The following NUDT7 variants were observed in gnomAD, a reference collection of about 807,000 sequenced individuals.
The protein encoded by NUDT7 is peroxisomal coenzyme A diphosphatase NUDT7.
NUDT7 carries 19 observed loss-of-function variants against 13.1 expected under a neutral mutation model. The ratio of observed to expected loss-of-function variants is 1.45; its 90% CI spans 1.01 to 2.13. The LOEUF is 2.13. Among genes scored for constraint, NUDT7 ranks in the 30% most tolerant of loss-of-function variants. The pLI, the probability that NUDT7 is intolerant of heterozygous loss-of-function variation, is 0.00. For synonymous variants in NUDT7, 132 were observed against 109.7 expected (o/e 1.20, Z -1.27); for missense variants, 360 against 291.7 (o/e 1.23, Z -1.71).
intron 2 of NUDT7, among the ~76,000 whole-genome samples, chr16:77,734,698 A>G (rs1054981137): frequency 2.0e-5 from 3 of 151,876 alleles, no homozygotes; most frequent in Non-Finnish European, 2.9e-5. Context: ...TATACACACA[A>G]TAGAATACTA....
In NUDT7 at chr16:77,741,757, T is replaced by G. The variant is rs753308246; in HGVS notation, c.524T>G (p.Phe175Cys). Residue 175 changes from phenylalanine (F) to cysteine (C), a missense_variant, in exon 4 of 4, where the codon TTT (phenylalanine) becomes TGT (cysteine). Phe to Cys is a radical substitution (Grantham distance 205, BLOSUM62 -2). Coordinates refer to ENST00000268533, the MANE Select transcript of NUDT7 (RefSeq NM_001105663.3). Reference protein sequence around the residue: ...RLGHRFINHIFEYTNPEDGVT... With the variant: ...RLGHRFINHICEYTNPEDGVT... ...GGTCACCGTTTTATTAATCATATCT[T>G]TGAGTACACAAACCCTGAAGACGGT... The G allele has an allele frequency of 2.5e-6, 4 of 1,614,102 alleles. No individual in the cohort carries two copies. In the South Asian group the frequency reaches 4.4e-5, roughly 18 times the overall value.
intron 2 of NUDT7, among the ~76,000 whole-genome samples, chr16:77,728,109 C>T (rs1264411015): frequency 6.6e-6 from 1 of 152,076 alleles, no homozygotes; most frequent in Admixed American, 6.5e-5. Flanking sequence ...TCTACTGGAG[C>T]TCTGCCCCTC....
chr16:77,736,689 C>A, intron 3 of NUDT7: 1 of 291,822 alleles, frequency 3.4e-6, no homozygotes, highest in South Asian at 3.0e-5. Flanking sequence ...TGGTCTCGAG[C>A]TCCTGGCCTC....
chr16:77,735,783 C>A (rs1441981079), intron 2 of NUDT7, 45 bp from the exon 3 acceptor site: 2 of 1,565,514 alleles, frequency 1.3e-6, no homozygotes, highest in Admixed American at 3.5e-5. Flanking sequence ...TAAATAGTTC[C>A]AAAATTAGAA....
At chr16:77,733,034 A>G (rs543598184) in intron 2 of NUDT7, among the ~76,000 whole-genome samples, 3 of 152,320 alleles carry the variant, frequency 2.0e-5, no homozygotes, top group African/African-American at 7.2e-5. Flanking sequence ...TGTTTTTACA[A>G]CTGTAATTGA....
At chr16:77,731,044 G>C (rs1425187269) in intron 2 of NUDT7, among the ~76,000 whole-genome samples, 1 of 151,830 alleles carries the variant, frequency 6.6e-6, no homozygotes, top group African/African-American at 2.4e-5. Context: ...TTTTCATTCT[G>C]TTGAGTGTTT....
intron 2 of NUDT7, among the ~76,000 whole-genome samples, chr16:77,733,745 C>T (rs1340149767): frequency 6.6e-6 from 1 of 152,194 alleles, no homozygotes; most frequent in African/African-American, 2.4e-5. Flanking sequence ...GAGGAGCACA[C>T]TGTCATTACC....
At chr16:77,740,168 C>G (rs1192826507) in intron 3 of NUDT7, among the ~76,000 whole-genome samples, 3 of 152,164 alleles carry the variant, frequency 2.0e-5, no homozygotes, top group African/African-American at 7.2e-5. Flanking sequence ...ATTTCCTGCC[C>G]CAAGGACATA....
At chr16:77,736,485 T>G (rs969794556) in intron 3 of NUDT7, among the ~76,000 whole-genome samples, 4 of 152,350 alleles carry the variant, frequency 2.6e-5, no homozygotes, top group Admixed American at 6.5e-5. Flanking sequence ...GTGAAATCAC[T>G]AGGCAAGCTA....
intron 3 of NUDT7, among the ~76,000 whole-genome samples, chr16:77,739,940 CT>C (rs1401652695): frequency 6.6e-6 from 1 of 152,148 alleles, no homozygotes; most frequent in Non-Finnish European, 1.5e-5. Flanking sequence ...CCATGGTGCC[CT>C]TGCCAGCCTT....
intron 2 of NUDT7, chr16:77,735,267 GTGATT>G: frequency 2.5e-6 from 1 of 406,024 alleles, no homozygotes; most frequent in Non-Finnish European, 4.4e-6. Context: ...CTGGTGGGAG[GTGATT>G]TGATCACGTG....
intron 1 of NUDT7, among the ~76,000 whole-genome samples, chr16:77,724,789 C>T (rs7194625): frequency 0.16 from 24,780 of 152,144 alleles, 2,821 homozygotes; most frequent in African/African-American, 0.32. Flanking sequence ...GCACCATTTG[C>T]GGTTTTAAAT....
intron 2 of NUDT7, among the ~76,000 whole-genome samples, chr16:77,732,662 C>T (rs1244666103): frequency 6.6e-6 from 1 of 152,236 alleles, no homozygotes; most frequent in African/African-American, 2.4e-5. Flanking sequence ...GCAGTAGCTA[C>T]ACCATATAGC....
intron 1 of NUDT7, among the ~76,000 whole-genome samples, chr16:77,723,431 A>G (rs1056361426): frequency 1.3e-5 from 2 of 152,076 alleles, no homozygotes; most frequent in African/African-American, 2.4e-5. Flanking sequence ...CCTGCAAACA[A>G]CTGCTTATCT....
intron 2 of NUDT7, among the ~76,000 whole-genome samples, chr16:77,726,465 C>G (rs564222048): frequency 1.3e-5 from 2 of 152,144 alleles, no homozygotes; most frequent in Non-Finnish European, 2.9e-5. Context: ...GAGTTTCTGG[C>G]TCACCCCTTG....
intron 2 of NUDT7, among the ~76,000 whole-genome samples, chr16:77,730,643 G>C (rs2014290738): frequency 6.6e-6 from 1 of 152,050 alleles, no homozygotes; most frequent in Non-Finnish European, 1.5e-5. Flanking sequence ...GGGATTGCTG[G>C]ATCATATGGC....
At chr16:77,734,615 C>T (rs1201083140) in intron 2 of NUDT7, among the ~76,000 whole-genome samples, 1 of 151,900 alleles carries the variant, frequency 6.6e-6, no homozygotes, top group Non-Finnish European at 1.5e-5. Context: ...GAGCGGGACT[C>T]CATGTCAAAA....
rs1217381904 is a variant in NUDT7 at position 77,741,943 on chromosome 16, G to C, written c.710G>C (p.Arg237Thr). 3 of 1,590,876 alleles carry C rather than the reference G, an allele frequency of 1.9e-6. No individual in the cohort carries two copies. Among genetic ancestry groups the C allele is most frequent in the Admixed American group, 3.5e-5 (2 of 57,098 alleles). The change falls in exon 4 of 4, where the codon AGG becomes ACG. Residue 237 changes from arginine (R) to threonine (T), a missense_variant. By Grantham distance (71) the Arg-to-Thr change is moderately conservative (BLOSUM62 -1). Coordinates refer to ENST00000268533, the MANE Select transcript of NUDT7 (RefSeq NM_001105663.3). ...AAGGTTCATAAAAAAGCTACAAGCA[G>C]GTTATGATTTACTAGAGCAAGAGAC... ...FLKVHKKATS[R>T]L
At chr16:77,735,502 G>A (rs965893001) in intron 2 of NUDT7, 29 of 591,698 alleles carry the variant, frequency 4.9e-5, no homozygotes, top group African/African-American at 3.4e-4. Context: ...TACGGCCTGC[G>A]AGACTGTGAG....
Sources: allele counts gnomAD v4.1 joint callset (sites outside exome capture counted in the v4.1 genomes callset), GRCh38; gene constraint gnomAD v4.1.1; transcripts MANE v1.5; gene names NCBI Gene and HGNC (gene_info 2026-07-23, HGNC 2026-07-21).